Variants in DIP2C observed in about 807,000 individuals in gnomAD.
DIP2C encodes DIP2 acetate--CoA ligase C (putative), also known as disco-interacting protein 2 homolog C.
In DIP2C, 33 loss-of-function variants were observed where a neutral mutation model predicts 192.4. That is an observed-to-expected ratio of 0.17 (90% CI 0.13 to 0.23). The LOEUF is 0.23. DIP2C is among the 10% of genes least tolerant of loss of function. The pLI is 1.00. For synonymous variants in DIP2C, 979 were observed against 864.1 expected (o/e 1.13, Z -2.33); for missense variants, 1,537 against 2,110.1 (o/e 0.73, Z 5.32).
chr10:492,205 G>A (rs1038659896), intron 1 of DIP2C, among the ~76,000 whole-genome samples: 3 of 152,230 alleles, frequency 2.0e-5, no homozygotes, highest in Non-Finnish European at 4.4e-5. Flanking sequence ...ACAGCAGACA[G>A]AAGGGTCGCT....
chr10:551,753 C>T (rs1033723621), intron 1 of DIP2C, among the ~76,000 whole-genome samples: 1 of 152,214 alleles, frequency 6.6e-6, no homozygotes, highest in South Asian at 2.1e-4. Flanking sequence ...TCAGCCAGCT[C>T]TCTCAATGGA....
chr10:635,432 A>C (rs1240946275), intron 1 of DIP2C, among the ~76,000 whole-genome samples: 1 of 152,248 alleles, frequency 6.6e-6, no homozygotes, highest in Non-Finnish European at 1.5e-5. Flanking sequence ...CTGTACAGAG[A>C]CCAGGGACTG....
In DIP2C at chr10:349,359, G is replaced by A. The variant is rs568456386; in HGVS notation, c.3081C>T (p.Gly1027=). 16 of 1,609,518 alleles carry A rather than the reference G, an allele frequency of 9.9e-6. 1 individual carries two copies. Among genetic ancestry groups the A allele is most frequent in the South Asian group, 2.2e-5 (2 of 91,030 alleles). ...MLMERGHLQD[G]DHVALVYPPG... ...GGGGGTAGACCAAGGCCACGTGGTC[G>A]CCGTCCTGAAGGTGGCCCCTCTCCA... The change falls in exon 25 of 37, where the codon GGC becomes GGT. Residue 1027 remains glycine (G), a synonymous_variant. Transcript: ENST00000280886.
chr10:620,026 CA>C (rs917026440), intron 1 of DIP2C, among the ~76,000 whole-genome samples: 1 of 152,166 alleles, frequency 6.6e-6, no homozygotes, highest in African/African-American at 2.4e-5. Flanking sequence ...CAGCTGCTGG[CA>C]CAGCCCAGGT....
intron 1 of DIP2C, among the ~76,000 whole-genome samples, chr10:596,491 CA>C (rs1851707804): frequency 2.7e-5 from 2 of 75,322 alleles, no homozygotes; most frequent in Non-Finnish European, 4.5e-5. Flanking sequence ...TGCGAAACTC[CA>C]TCTCAAAAAA....
intron 17 of DIP2C, 160 bp downstream of exon 17, chr10:382,485 ATC>A (rs1443028774): frequency 2.9e-5 from 17 of 592,526 alleles, no homozygotes; most frequent in Middle Eastern, 7.2e-4. Context: ...GTTCAAAAGA[ATC>A]TGTTCCAGCA....
chr10:678,013 G>A (rs556817063), intron 1 of DIP2C, among the ~76,000 whole-genome samples: 4 of 152,380 alleles, frequency 2.6e-5, no homozygotes, highest in East Asian at 1.9e-4. Flanking sequence ...AGCATAGCCC[G>A]AAGGTGCCAG....
chr10:444,285 G>T (rs1967975801), intron 3 of DIP2C, among the ~76,000 whole-genome samples: 1 of 150,562 alleles, frequency 6.6e-6, no homozygotes, highest in Admixed American at 6.6e-5. Flanking sequence ...GTTCATTCAT[G>T]AGGAGTGTTC....
intron 3 of DIP2C, among the ~76,000 whole-genome samples, chr10:458,962 C>A (rs1969529189): frequency 8.4e-6 from 1 of 119,086 alleles, no homozygotes; most frequent in African/African-American, 3.4e-5. Context: ...TTCAGAAGCA[C>A]AAGTTTCCAG....
At chr10:497,126 A>T (rs553165904) in intron 1 of DIP2C, among the ~76,000 whole-genome samples, 1 of 151,982 alleles carries the variant, frequency 6.6e-6, no homozygotes, top group African/African-American at 2.4e-5. Flanking sequence ...CTCCACCTCG[A>T]AATCAATCAA....
At chr10:670,168 G>A (rs1790566908) in intron 1 of DIP2C, among the ~76,000 whole-genome samples, 1 of 151,968 alleles carries the variant, frequency 6.6e-6, no homozygotes, top group Non-Finnish European at 1.5e-5. Flanking sequence ...GTGCGCACAT[G>A]CATGAACATG....
chr10:521,380 G>T (rs1409828397), intron 1 of DIP2C, among the ~76,000 whole-genome samples: 5 of 152,124 alleles, frequency 3.3e-5, no homozygotes, highest in Non-Finnish European at 7.3e-5. Flanking sequence ...CTAAGAGAAG[G>T]CCTCAATGAT....
At chr10:528,931 A>G (rs1261196892) in intron 1 of DIP2C, among the ~76,000 whole-genome samples, 2 of 152,186 alleles carry the variant, frequency 1.3e-5, no homozygotes, top group African/African-American at 4.8e-5. Flanking sequence ...CACGCAAGAA[A>G]CAACAGGAAC....
chr10:384,728 C>A (rs371335080), intron 14 of DIP2C, 89 bp from the exon 15 acceptor site: 13 of 1,329,906 alleles, frequency 9.8e-6, no homozygotes, highest in African/African-American at 2.9e-5. Flanking sequence ...CTAGGCCGCA[C>A]GGGCAGGGGG....
chr10:339,384 A>G (rs1046983345), intron 29 of DIP2C, among the ~76,000 whole-genome samples: 1 of 152,156 alleles, frequency 6.6e-6, no homozygotes, highest in Admixed American at 6.5e-5. Context: ...AGTTAGTAAC[A>G]TTTTGCAGGA....
At chr10:572,371 A>G (rs1849877777) in intron 1 of DIP2C, among the ~76,000 whole-genome samples, 1 of 152,044 alleles carries the variant, frequency 6.6e-6, no homozygotes, top group South Asian at 2.1e-4. Context: ...CAAAAATTCA[A>G]CTCCGTCCAG....
At chr10:579,404 G>A (rs1486074222) in intron 1 of DIP2C, among the ~76,000 whole-genome samples, 4 of 151,812 alleles carry the variant, frequency 2.6e-5, no homozygotes, top group African/African-American at 9.7e-5. Context: ...CACACATCCA[G>A]ATCCATATAG....
chr10:343,243 C>T lies in DIP2C; in HGVS notation c.3453+1566G>A, dbSNP rs186529557. Among the ~76,000 whole-genome samples, 68 of 152,298 alleles carry T rather than the reference C, an allele frequency of 4.5e-4. No homozygotes were observed. In the East Asian group the frequency reaches 6.0e-3, roughly 13 times the overall value. ...GGCGGAGGTTGCAGTGAGCTGAGAT[C>T]GCACCACTGCACTCCAGCCTGGGCA... On this transcript the variant is annotated intron_variant, in intron 28 of 36. Transcript: ENST00000280886.
intron 1 of DIP2C, among the ~76,000 whole-genome samples, chr10:552,052 T>C (rs1454111161): frequency 2.6e-5 from 4 of 152,118 alleles, no homozygotes; most frequent in Non-Finnish European, 5.9e-5. Context: ...TCGGAAGACG[T>C]TGCACTGAAT....
Sources: gnomAD v4.1 joint callset for allele counts (sites outside exome capture counted in the v4.1 genomes callset) on GRCh38, gnomAD v4.1.1 for gene constraint, MANE v1.5 for transcripts, NCBI Gene and HGNC (gene_info 2026-07-23, HGNC 2026-07-21) for gene names.